The following LOC128125822 variants were observed in gnomAD, a reference collection of about 807,000 sequenced individuals.
chr6:63,574,685 G>GA, the LOC128125822 span, among the ~76,000 whole-genome samples: 6 of 151,594 alleles, frequency 4.0e-5, no homozygotes, highest in African/African-American at 1.2e-4. Flanking sequence ...GCTTTTAATT[G>GA]AAAAAAAGGT....
chr6:63,578,639 TA>T, the LOC128125822 span: 2 of 1,384,710 alleles, frequency 1.4e-6, no homozygotes, highest in Non-Finnish European at 9.6e-7. Context: ...CTCAAAAAGC[TA>T]AAAACAAATA....
the LOC128125822 span, among the ~76,000 whole-genome samples, chr6:63,579,573 T>A: frequency 6.6e-6 from 1 of 152,260 alleles, no homozygotes; most frequent in Non-Finnish European, 1.5e-5. Context: ...TTGAATATGT[T>A]GGTTATTTTG....
At chr6:63,583,499 T>A in the LOC128125822 span, 2 of 152,222 alleles carry the variant, frequency 1.3e-5, no homozygotes, top group African/African-American at 4.8e-5. Context: ...CAGTGATATG[T>A]GTTAACGTAT....
the LOC128125822 span, chr6:63,580,931 A>T: frequency 6.6e-6 from 1 of 152,552 alleles, no homozygotes. Flanking sequence ...GGCCTGAGAA[A>T]AGAATGGGAG....
chr6:63,577,139 G>A, the LOC128125822 span, among the ~76,000 whole-genome samples: 1 of 152,126 alleles, frequency 6.6e-6, no homozygotes, highest in Admixed American at 6.5e-5. Flanking sequence ...ATAGGTTAGA[G>A]GTATATTTGT....
the LOC128125822 span, among the ~76,000 whole-genome samples, chr6:63,576,120 A>C: frequency 6.7e-6 from 1 of 150,066 alleles, no homozygotes; most frequent in Non-Finnish European, 1.5e-5. Flanking sequence ...TATACAGAGA[A>C]TATAACTAGA....
chr6:63,581,430 A>G, the LOC128125822 span: 1 of 152,622 alleles, frequency 6.6e-6, no homozygotes, highest in Non-Finnish European at 1.5e-5. Flanking sequence ...AAACATCTAA[A>G]TAAATAATGA....
chr6:63,574,618 A>G, the LOC128125822 span, among the ~76,000 whole-genome samples: 21 of 152,344 alleles, frequency 1.4e-4, no homozygotes, highest in Admixed American at 2.6e-4. Context: ...GTTGTAGCCG[A>G]CAGGAGTTTT....
At chr6:63,582,589 C>T in the LOC128125822 span, 2 of 152,436 alleles carry the variant, frequency 1.3e-5, no homozygotes, top group African/African-American at 2.4e-5. Context: ...AGGAAACTAT[C>T]TGATAGTGTT....
chr6:63,573,641 C>T, the LOC128125822 span: 1 of 152,474 alleles, frequency 6.6e-6, no homozygotes, highest in African/African-American at 2.4e-5. Context: ...CCGCCCCGCC[C>T]TCCTCCCAGG....
chr6:63,572,874 C>T, the LOC128125822 span, among the ~76,000 whole-genome samples: 1 of 151,998 alleles, frequency 6.6e-6, no homozygotes, highest in African/African-American at 2.4e-5. Context: ...GGTTATGGCC[C>T]TGTGGCCGGC....
At chr6:63,578,891 G>T in the LOC128125822 span, 4 of 1,534,888 alleles carry the variant, frequency 2.6e-6, no homozygotes, top group South Asian at 3.7e-5. Context: ...ATATTCTTCT[G>T]ACTTAGGATT....
chr6:63,575,972 TTG>T, the LOC128125822 span, among the ~76,000 whole-genome samples: 1 of 151,956 alleles, frequency 6.6e-6, no homozygotes, highest in Non-Finnish European at 1.5e-5. Flanking sequence ...TATCTGGAGT[TTG>T]TATTAATGTG....
the LOC128125822 span, chr6:63,581,324 T>C: frequency 6.6e-6 from 1 of 152,618 alleles, no homozygotes; most frequent in East Asian, 1.9e-4. Context: ...AGTTCAACCA[T>C]ATATTTATAC....
chr6:63,579,102 T>C, the LOC128125822 span: 4 of 1,413,634 alleles, frequency 2.8e-6, no homozygotes, highest in Non-Finnish European at 3.7e-6. Flanking sequence ...GAAAAATTCT[T>C]ATAATTTTTT....
At chr6:63,579,406 A>G in the LOC128125822 span, 1 of 1,039,236 alleles carries the variant, frequency 9.6e-7, no homozygotes, top group South Asian at 1.7e-5. Flanking sequence ...TAATAGTCTA[A>G]TAGCCCATTT....
At chr6:63,576,442 T>C in the LOC128125822 span, 1 of 399,846 alleles carries the variant, frequency 2.5e-6, no homozygotes. Flanking sequence ...ACAGCAATTC[T>C]GTGGTGTTCT....
At chr6:63,576,737 TC>T in the LOC128125822 span, 1 of 659,248 alleles carries the variant, frequency 1.5e-6, no homozygotes, top group Non-Finnish European at 2.6e-6. Context: ...ATTTCACTTA[TC>T]ATTACTTACA....
the LOC128125822 span, chr6:63,576,799 C>T: frequency 2.0e-5 from 22 of 1,116,980 alleles, no homozygotes; most frequent in South Asian, 2.8e-4. Flanking sequence ...TTGAAGTAGA[C>T]TTCAGTTTCT....
Sources: gnomAD v4.1 joint callset for allele counts (sites outside exome capture counted in the v4.1 genomes callset) on GRCh38, gnomAD v4.1.1 for gene constraint, MANE v1.5 for transcripts.